The following SSH2 variants were observed in gnomAD, a reference collection of about 807,000 sequenced individuals.
SSH2 encodes the protein protein phosphatase Slingshot homolog 2.
Under a neutral mutation model 135.2 loss-of-function variants are expected in SSH2, and 37 were observed. The ratio of observed to expected loss-of-function variants is 0.27; its 90% CI spans 0.21 to 0.36. SSH2 has a LOEUF of 0.36. Among genes scored for constraint, SSH2 ranks in the 10% least tolerant of loss-of-function variants. The probability of loss-of-function intolerance (pLI) is 1.00; values close to 1 mark genes in which losing one functional copy is unlikely to be tolerated. For missense variants in SSH2, 1,408 were observed against 1,765.3 expected (o/e 0.80, Z 3.63); for synonymous variants, 628 against 646.2 (o/e 0.97, Z 0.43).
intron 1 of SSH2, among the ~76,000 whole-genome samples, chr17:29,910,466 A>C (rs550006311): frequency 6.6e-6 from 1 of 152,362 alleles, no homozygotes; most frequent in East Asian, 1.9e-4. Flanking sequence ...CAAGCAACTG[A>C]ATTCCCAAAA....
chr17:29,716,716 C>T (rs777438983), intron 3 of SSH2: 35 of 575,984 alleles, frequency 6.1e-5, no homozygotes, highest in South Asian at 2.3e-4. Context: ...ATGGCAGTTC[C>T]GGCTGAAAGT....
At chr17:29,704,292 T>A (rs1434579357) in intron 3 of SSH2, among the ~76,000 whole-genome samples, 2 of 152,210 alleles carry the variant, frequency 1.3e-5, no homozygotes, top group Non-Finnish European at 2.9e-5. Flanking sequence ...CCAACTTGTA[T>A]CCCCATACTC....
chr17:29,715,882 C>T (rs1475187912), intron 3 of SSH2, among the ~76,000 whole-genome samples: 1 of 152,184 alleles, frequency 6.6e-6, no homozygotes, highest in Non-Finnish European at 1.5e-5. Context: ...GGGCACTTAA[C>T]ACCTCTGGAC....
intron 3 of SSH2, among the ~76,000 whole-genome samples, chr17:29,765,975 G>A (rs1481157269): frequency 7.4e-6 from 1 of 135,562 alleles, no homozygotes; most frequent in Non-Finnish European, 1.5e-5. Context: ...AGCCAAGATC[G>A]CACTGCTGCA....
At chr17:29,910,817 A>G (rs781395583) in intron 1 of SSH2, among the ~76,000 whole-genome samples, 5 of 152,240 alleles carry the variant, frequency 3.3e-5, no homozygotes, top group African/African-American at 7.2e-5. Flanking sequence ...TATACTTCAC[A>G]ATTCAAACTG....
chr17:29,770,159 G>A (rs145394518), intron 3 of SSH2, among the ~76,000 whole-genome samples: 231 of 142,406 alleles, frequency 1.6e-3, no homozygotes, highest in African/African-American at 6.1e-3. Context: ...GAGTACAGTG[G>A]TGCGATCTCT....
intron 3 of SSH2, among the ~76,000 whole-genome samples, chr17:29,785,595 G>T (rs148021035): frequency 3.4e-5 from 5 of 148,422 alleles, no homozygotes; most frequent in African/African-American, 1.3e-4. Context: ...TGCTTCCCGG[G>T]TTCAAGCGAT....
intron 2 of SSH2, among the ~76,000 whole-genome samples, chr17:29,800,051 G>C (rs911555356): frequency 1.3e-5 from 2 of 152,136 alleles, no homozygotes; most frequent in African/African-American, 4.8e-5. Context: ...ACACTTCAAA[G>C]TAGTGCCAAA....
chr17:29,826,965 C>T (rs1163183060), intron 2 of SSH2, among the ~76,000 whole-genome samples: 11 of 152,118 alleles, frequency 7.2e-5, no homozygotes, highest in Admixed American at 7.2e-4. Flanking sequence ...AGCTACCTAC[C>T]AAGAGAGCTC....
At chr17:29,640,277 C>G (rs1420242095) in intron 14 of SSH2, among the ~76,000 whole-genome samples, 1 of 152,072 alleles carries the variant, frequency 6.6e-6, no homozygotes, top group Admixed American at 6.6e-5. Context: ...GGGGTTTCAC[C>G]GTGTTAGCCA....
intron 2 of SSH2, among the ~76,000 whole-genome samples, chr17:29,810,344 A>T (rs76890760): frequency 2.6e-5 from 4 of 152,224 alleles, no homozygotes; most frequent in African/African-American, 9.6e-5. Context: ...TGTTGTCAAT[A>T]ATAATCATAA....
intron 3 of SSH2, among the ~76,000 whole-genome samples, chr17:29,767,266 T>A (rs1237743231): frequency 6.6e-6 from 1 of 152,182 alleles, no homozygotes; most frequent in Non-Finnish European, 1.5e-5. Flanking sequence ...CAAACTCTAT[T>A]GTTTAGTAAA....
In SSH2 at chr17:29,841,892, A is replaced by ATTTTTTTT. The variant is rs770836134; in HGVS notation, c.144+6949_144+6956dup. 9.9e-4 allele frequency among the ~76,000 whole-genome samples: 99 copies of ATTTTTTTT among 99,640 alleles called. 2 individuals carry two copies. The highest frequency in any genetic ancestry group is 3.5e-3 in the African/African-American group (90 of 25,658). 65.4% of individuals were successfully genotyped at this position (99,640 alleles called of 152,430 possible). ...TAGGAGTACACCACCCCCTTGGCTAATTTTTTTTTTTTTTTTTTTTTTGTA... is the reference window on the plus strand; with the variant it reads ...TAGGAGTACACCACCCCCTTGGCTAATTTTTTTTTTTTTTTTTTTTTTTTTTTTTTGTA... On this transcript the variant is annotated intron_variant, in intron 2 of 15. Coordinates refer to ENST00000540801, the MANE Select transcript of SSH2 (RefSeq NM_001282129.2).
chr17:29,867,069 G>A (rs1335237746), intron 1 of SSH2, among the ~76,000 whole-genome samples: 1 of 151,574 alleles, frequency 6.6e-6, no homozygotes, highest in Non-Finnish European at 1.5e-5. Context: ...CAAACTCCTC[G>A]GCTCAAGTGA....
chr17:29,763,281 G>A (rs908378459), intron 3 of SSH2, among the ~76,000 whole-genome samples: 6 of 152,236 alleles, frequency 3.9e-5, no homozygotes, highest in South Asian at 2.1e-4. Context: ...AAGAGTTAAC[G>A]GAAGGTCTGG....
intron 1 of SSH2, among the ~76,000 whole-genome samples, chr17:29,869,268 G>A (rs999446173): frequency 2.0e-5 from 3 of 152,170 alleles, no homozygotes; most frequent in African/African-American, 7.2e-5. Context: ...AGCTAAAGGA[G>A]GATCTTAGTA....
intron 1 of SSH2, among the ~76,000 whole-genome samples, chr17:29,891,060 A>T (rs1009116551): frequency 6.6e-6 from 1 of 152,072 alleles, no homozygotes; most frequent in Non-Finnish European, 1.5e-5. Context: ...GGTCTGAAAA[A>T]AATCTTTAAA....
intron 2 of SSH2, among the ~76,000 whole-genome samples, chr17:29,799,290 A>G: frequency 6.6e-6 from 1 of 152,212 alleles, no homozygotes; most frequent in East Asian, 1.9e-4. Context: ...AACAGTATAT[A>G]TACCTATGAG....
At chr17:29,891,559 AT>A (rs1400757722) in intron 1 of SSH2, among the ~76,000 whole-genome samples, 2 of 152,102 alleles carry the variant, frequency 1.3e-5, no homozygotes, top group Non-Finnish European at 2.9e-5. Flanking sequence ...TAAATTCTAA[AT>A]TCTAAAATGT....
Sources: allele counts gnomAD v4.1 joint callset (sites outside exome capture counted in the v4.1 genomes callset), GRCh38; gene constraint gnomAD v4.1.1; transcripts MANE v1.5; gene names NCBI Gene and HGNC (gene_info 2026-07-23, HGNC 2026-07-21).